EPS8: variants seen among roughly 807,000 people sequenced by gnomAD.
EPS8 encodes epidermal growth factor receptor kinase substrate 8.
A neutral mutation model predicts 103.8 loss-of-function variants in EPS8; 42 were observed. The ratio of observed to expected loss-of-function variants is 0.40; its 90% CI spans 0.32 to 0.52. The LOEUF (loss-of-function observed/expected upper bound fraction) is 0.52. Among genes scored for constraint, EPS8 ranks in the 20% least tolerant of loss-of-function variants. The pLI is 0.40. For synonymous variants in EPS8, 344 were observed against 344.6 expected (o/e 1.00, Z 0.02); for missense variants, 969 against 1,005.1 (o/e 0.96, Z 0.49).
At position 15,702,087 on chromosome 12, in the gene EPS8, A is replaced by T. The variant is rs1398869336; in HGVS notation, c.-21-19115T>A. Among the ~76,000 whole-genome samples, 5 of 152,250 alleles carry T rather than the reference A, an allele frequency of 3.3e-5. No homozygotes were observed. Among genetic ancestry groups the T allele is most frequent in the African/African-American group, 4.8e-5 (2 of 41,468 alleles). On this transcript the variant is annotated intron_variant, in intron 1 of 20. Coordinates refer to ENST00000281172, the MANE Select transcript of EPS8 (RefSeq NM_004447.6). The surrounding 1 kb of genome is among the most constrained non-coding windows in gnomAD (Gnocchi z 5.1). ...TGTGAGTCAGGCTAAGCACCATGAG[A>T]TAAACCACATTTCTCTGCCGTGCAG...
At chr12:15,742,859 G>A (rs1946839172) in intron 1 of EPS8, among the ~76,000 whole-genome samples, 2 of 152,130 alleles carry the variant, frequency 1.3e-5, no homozygotes, top group Admixed American at 1.3e-4. Flanking sequence ...CACAAGACAG[G>A]GATGCCCTCT....
chr12:15,624,162 T>A (rs1944905534), intron 19 of EPS8, 65 bp downstream of exon 19: 2 of 1,334,120 alleles, frequency 1.5e-6, no homozygotes, highest in Non-Finnish European at 2.1e-6. Flanking sequence ...GACATCTAAC[T>A]AAGCAAATTG....
intron 1 of EPS8, among the ~76,000 whole-genome samples, chr12:15,711,132 T>A (rs557673687): frequency 6.6e-6 from 1 of 151,994 alleles, no homozygotes; most frequent in South Asian, 2.1e-4. Flanking sequence ...CTTGAACTCA[T>A]GGGCTCAAGC....
rs1247815327 is a variant in EPS8 at position 15,623,142 on chromosome 12, G to C, written c.2355+16C>G. The C allele has an allele frequency of 6.3e-7, 1 of 1,594,984 alleles. No homozygotes were observed. The highest frequency in any genetic ancestry group is 2.2e-5 in the East Asian group (1 of 44,658). ...CAATTTGCAGAAAAACACCACCTTA[G>C]GTTGACAAGTCATACCTCCAATGCA... is the stretch of plus-strand genomic sequence containing the variant. On this transcript the variant is annotated intron_variant, in intron 20 of 20. Coordinates refer to ENST00000281172, the MANE Select transcript of EPS8 (RefSeq NM_004447.6).
intron 15 of EPS8, among the ~76,000 whole-genome samples, chr12:15,642,816 T>C (rs1945255674): frequency 6.6e-6 from 1 of 152,168 alleles, no homozygotes; most frequent in African/African-American, 2.4e-5. Flanking sequence ...TGCAGGACAG[T>C]TGTAGACATA....
chr12:15,650,617 G>A (rs1029092010), intron 14 of EPS8, among the ~76,000 whole-genome samples: 5 of 152,238 alleles, frequency 3.3e-5, no homozygotes, highest in Admixed American at 2.6e-4. Context: ...AATTTGGGTT[G>A]GGGTTGGGCT....
At chr12:15,653,820 T>G (rs905698672) in intron 13 of EPS8, among the ~76,000 whole-genome samples, 4 of 152,206 alleles carry the variant, frequency 2.6e-5, no homozygotes, top group African/African-American at 9.7e-5. Flanking sequence ...CATGTGTATG[T>G]GTGTGTGAAC....
At chr12:15,715,882 G>A (rs1261418292) in intron 1 of EPS8, among the ~76,000 whole-genome samples, 2 of 150,934 alleles carry the variant, frequency 1.3e-5, no homozygotes, top group African/African-American at 4.9e-5. Flanking sequence ...AAGGACATTA[G>A]GGAAAAAAAA....
At position 15,784,934 on chromosome 12, in the gene EPS8, TA is replaced by T. The variant is rs537040326; in HGVS notation, c.-22+4226del. 3.1e-4 allele frequency among the ~76,000 whole-genome samples: 47 copies of T among 152,120 alleles called. No individual in the cohort carries two copies. The highest frequency in any genetic ancestry group is 1.6e-3 in the Admixed American group (24 of 15,268). ...CAAAAGTAAAGAGACAGTAAAAAGA[TA>T]CGTGGTTTTCTGGGAGAGGGGCTCA... On this transcript the variant is annotated intron_variant, in intron 1 of 20. Transcript: ENST00000281172. The surrounding 1 kb of genome is among the most constrained non-coding windows in gnomAD (Gnocchi z 4.0).
chr12:15,680,203 G>T (rs765830443), intron 3 of EPS8, among the ~76,000 whole-genome samples: 9 of 152,032 alleles, frequency 5.9e-5, no homozygotes, highest in Non-Finnish European at 1.2e-4. Flanking sequence ...CACTAACATA[G>T]GTAGAAAAAC....
chr12:15,768,316 T>G (rs963731256), intron 1 of EPS8, among the ~76,000 whole-genome samples: 1 of 145,480 alleles, frequency 6.9e-6, no homozygotes, highest in African/African-American at 2.6e-5. Context: ...CGGGCACCTG[T>G]AATCCCAGCT....
At chr12:15,673,683 C>T (rs576037650) in intron 3 of EPS8, among the ~76,000 whole-genome samples, 2 of 152,308 alleles carry the variant, frequency 1.3e-5, no homozygotes, top group African/African-American at 4.8e-5. Flanking sequence ...TCAAGCAGAA[C>T]ATTTTCCTTT....
chr12:15,750,682 G>A (rs1946922655), intron 1 of EPS8, among the ~76,000 whole-genome samples: 1 of 152,148 alleles, frequency 6.6e-6, no homozygotes. Context: ...AACAGTGGAT[G>A]CTTTTCATCA....
At chr12:15,724,594 A>T (rs1459486276) in intron 1 of EPS8, among the ~76,000 whole-genome samples, 1 of 152,202 alleles carries the variant, frequency 6.6e-6, no homozygotes, top group Non-Finnish European at 1.5e-5. Flanking sequence ...CCCCACCGGA[A>T]TCTCATCTTG....
rs1442560684 is a variant in EPS8 at position 15,713,861 on chromosome 12, T to C, written c.-21-30889A>G. ...GACAGGGGAAATGCTATAAATGCTA[T>C]AAGAAATTAAAATCCTAAACCTATG... On this transcript the variant is annotated intron_variant, in intron 1 of 20. Transcript: ENST00000281172. This position sits in a 1 kb window ranked among gnomAD's most constrained non-coding sequence, Gnocchi z 4.8. Among the ~76,000 whole-genome samples the C allele has an allele frequency of 6.6e-6, 1 of 152,192 alleles. No homozygotes were observed. Among genetic ancestry groups the C allele is most frequent in the Non-Finnish European group, 1.5e-5 (1 of 68,028 alleles).
In EPS8 at chr12:15,714,892, G is replaced by A. The variant is rs563556113; in HGVS notation, c.-21-31920C>T. Reference sequence around the variant, plus strand: ...CAGAACCTATTCTACATCCACTTTTGTTCTCTACCATCTCTCAAGCTCCTG... The same window carrying A: ...CAGAACCTATTCTACATCCACTTTTATTCTCTACCATCTCTCAAGCTCCTG... On this transcript the variant is annotated intron_variant, in intron 1 of 20. Coordinates refer to ENST00000281172, the MANE Select transcript of EPS8 (RefSeq NM_004447.6). The surrounding 1 kb of genome is among the most constrained non-coding windows in gnomAD (Gnocchi z 4.1). Among the ~76,000 whole-genome samples the A allele has an allele frequency of 2.5e-3, 381 of 152,156 alleles. 2 individuals carry two copies. Among genetic ancestry groups the A allele is most frequent in the African/African-American group, 8.9e-3 (368 of 41,504 alleles).
At chr12:15,691,181 G>C (rs1030587549) in intron 1 of EPS8, among the ~76,000 whole-genome samples, 1 of 150,624 alleles carries the variant, frequency 6.6e-6, no homozygotes, top group South Asian at 2.1e-4. Flanking sequence ...TGAAGTTCAA[G>C]GGCAACTAGA....
At chr12:15,657,969 A>G in intron 12 of EPS8, 110 bp downstream of exon 12, 3 of 684,604 alleles carry the variant, frequency 4.4e-6, no homozygotes, top group Admixed American at 2.7e-5. Flanking sequence ...TGGCAAAGAA[A>G]TAGTACCCAC....
chr12:15,754,239 A>G (rs564338430), intron 1 of EPS8, among the ~76,000 whole-genome samples: 1 of 152,278 alleles, frequency 6.6e-6, no homozygotes, highest in South Asian at 2.1e-4. Context: ...TTTGGAAAAA[A>G]AAAAAAAAGA....
Sources: allele counts gnomAD v4.1 joint callset (sites outside exome capture counted in the v4.1 genomes callset), GRCh38; gene constraint gnomAD v4.1.1; non-coding constraint Gnocchi (gnomAD v3.1); transcripts MANE v1.5; gene names NCBI Gene and HGNC (gene_info 2026-07-23, HGNC 2026-07-21).